The following SMAP1 variants were observed in gnomAD, a reference collection of about 807,000 sequenced individuals.
SMAP1 encodes the protein stromal membrane-associated protein 1.
Under a neutral mutation model 58.5 loss-of-function variants are expected in SMAP1, and 24 were observed. The ratio of observed to expected loss-of-function variants is 0.41; its 90% CI spans 0.30 to 0.58. The LOEUF is 0.58. SMAP1 is among the 20% of genes least tolerant of loss of function. The probability of loss-of-function intolerance (pLI) is 0.29; values close to 1 mark genes in which losing one functional copy is unlikely to be tolerated. For missense variants in SMAP1, 563 were observed against 566.3 expected (o/e 0.99, Z 0.06); for synonymous variants, 216 against 196.6 (o/e 1.10, Z -0.82).
intron 3 of SMAP1, among the ~76,000 whole-genome samples, chr6:70,755,696 C>A (rs976231336): frequency 6.6e-6 from 1 of 151,914 alleles, no homozygotes; most frequent in African/African-American, 2.4e-5. Context: ...ATGACTGATT[C>A]TTCTTGATTG....
intron 2 of SMAP1, among the ~76,000 whole-genome samples, chr6:70,754,527 T>C (rs114201793): frequency 5.1e-4 from 77 of 152,198 alleles, no homozygotes; most frequent in African/African-American, 1.8e-3. Context: ...ACTGTTTCTC[T>C]CTTATCTGGC....
At chr6:70,714,892 A>G (rs1390130445) in intron 1 of SMAP1, among the ~76,000 whole-genome samples, 1 of 151,912 alleles carries the variant, frequency 6.6e-6, no homozygotes, top group Non-Finnish European at 1.5e-5. Flanking sequence ...CTTGGCTGAC[A>G]ATTTTTTTTT....
At chr6:70,788,055 G>T (rs1768147456) in intron 4 of SMAP1, among the ~76,000 whole-genome samples, 1 of 152,024 alleles carries the variant, frequency 6.6e-6, no homozygotes, top group Non-Finnish European at 1.5e-5. Context: ...CAACCCAAAT[G>T]TCCAACAATG....
intron 1 of SMAP1, among the ~76,000 whole-genome samples, chr6:70,682,714 G>A (rs539078705): frequency 5.3e-5 from 8 of 151,998 alleles, no homozygotes; most frequent in Non-Finnish European, 1.2e-4. Flanking sequence ...AGAAGTGTTG[G>A]GACCAGTTTA....
chr6:70,807,388 T>C (rs1769180584), intron 6 of SMAP1, among the ~76,000 whole-genome samples: 1 of 152,258 alleles, frequency 6.6e-6, no homozygotes, highest in Non-Finnish European at 1.5e-5. Context: ...TAAATAGATA[T>C]CTCTCTTTTA....
At chr6:70,668,901 A>G (rs1289833132) in intron 1 of SMAP1, among the ~76,000 whole-genome samples, 1 of 152,194 alleles carries the variant, frequency 6.6e-6, no homozygotes, top group African/African-American at 2.4e-5. Context: ...CTAGTTTGGG[A>G]GAATATGTGG....
At chr6:70,776,277 G>A in intron 4 of SMAP1, among the ~76,000 whole-genome samples, 1 of 152,114 alleles carries the variant, frequency 6.6e-6, no homozygotes, top group East Asian at 1.9e-4. Context: ...CTGCCTTGCG[G>A]GTTCAAGCAA....
At chr6:70,836,701 A>C (rs1047558716) in intron 6 of SMAP1, among the ~76,000 whole-genome samples, 17 of 152,362 alleles carry the variant, frequency 1.1e-4, no homozygotes, top group African/African-American at 3.8e-4. Context: ...GGACAATTAT[A>C]TTAAGAGTTA....
intron 5 of SMAP1, among the ~76,000 whole-genome samples, chr6:70,793,418 T>C (rs1399004501): frequency 6.6e-6 from 1 of 152,144 alleles, no homozygotes; most frequent in East Asian, 1.9e-4. Flanking sequence ...TTTGGGAAGC[T>C]TGTGACTTCC....
At position 70,768,328 on chromosome 6, in the gene SMAP1, C is replaced by G. The variant is rs1330758591; in HGVS notation, c.339-5022C>G. Among the ~76,000 whole-genome samples, 9 of 152,278 alleles carry G rather than the reference C, an allele frequency of 5.9e-5. No individual in the cohort carries two copies. The East Asian group carries it at 1.7e-3, about 29-fold the overall frequency. ...TGGAATAGTTTCAGAAGGAATGGTG[C>G]CAGTTCCTCCTTGTACCTCTGGTAG... is the stretch of plus-strand genomic sequence containing the variant. On this transcript the variant is annotated intron_variant, in intron 3 of 10. Transcript: ENST00000370455.
intron 2 of SMAP1, among the ~76,000 whole-genome samples, chr6:70,747,805 A>G (rs554455767): frequency 3.9e-5 from 6 of 152,056 alleles, no homozygotes; most frequent in African/African-American, 1.4e-4. Flanking sequence ...TGCTTACAAA[A>G]AAGAATACAT....
intron 6 of SMAP1, among the ~76,000 whole-genome samples, chr6:70,823,508 A>G (rs1403364907): frequency 6.6e-6 from 1 of 152,114 alleles, no homozygotes; most frequent in East Asian, 1.9e-4. Context: ...AAAGAACAGA[A>G]TGTTCCATCA....
intron 3 of SMAP1, among the ~76,000 whole-genome samples, chr6:70,757,174 T>A (rs541952875): frequency 3.3e-5 from 5 of 151,018 alleles, no homozygotes; most frequent in South Asian, 4.2e-4. Context: ...AACAGAGATA[T>A]AGATCAATGG....
At chr6:70,801,569 T>G (rs1162751441) in intron 6 of SMAP1, among the ~76,000 whole-genome samples, 1 of 152,240 alleles carries the variant, frequency 6.6e-6, no homozygotes, top group African/African-American at 2.4e-5. Flanking sequence ...TTTTGGTGTT[T>G]TAATCATGAA....
At chr6:70,807,598 A>C (rs1769191647) in intron 6 of SMAP1, among the ~76,000 whole-genome samples, 1 of 152,226 alleles carries the variant, frequency 6.6e-6, no homozygotes, top group South Asian at 2.1e-4. Context: ...GTTATCTTTC[A>C]GTTTAATCAG....
At chr6:70,816,930 A>G (rs1018547831) in intron 6 of SMAP1, among the ~76,000 whole-genome samples, 2 of 152,048 alleles carry the variant, frequency 1.3e-5, no homozygotes, top group African/African-American at 4.8e-5. Flanking sequence ...TATAAAAGGG[A>G]TAATATATAA....
intron 6 of SMAP1, among the ~76,000 whole-genome samples, chr6:70,802,675 G>A (rs182814213): frequency 5.1e-4 from 77 of 152,242 alleles, no homozygotes; most frequent in African/African-American, 1.6e-3. Flanking sequence ...TTTGAGATAT[G>A]TTTCATCAAT....
intron 6 of SMAP1, among the ~76,000 whole-genome samples, chr6:70,833,296 A>G (rs1452337756): frequency 6.6e-6 from 1 of 152,192 alleles, no homozygotes; most frequent in Non-Finnish European, 1.5e-5. Flanking sequence ...GCTTTCACTA[A>G]TATATATGAA....
chr6:70,859,399 T>G, intron 10 of SMAP1: 1 of 1,548,552 alleles, frequency 6.5e-7, no homozygotes, highest in Non-Finnish European at 8.7e-7. Context: ...ACAAGGTGGT[T>G]AAAATGTCCT....
Sources: allele counts gnomAD v4.1 joint callset (sites outside exome capture counted in the v4.1 genomes callset), GRCh38; gene constraint gnomAD v4.1.1; transcripts MANE v1.5; gene names NCBI Gene and HGNC (gene_info 2026-07-23, HGNC 2026-07-21).